XIST: variants seen among roughly 807,000 people sequenced by gnomAD.
XIST encodes X inactive specific transcript (non-protein coding).
chrX:73,832,101 G>A (rs200860417), intron 3 of XIST, among the ~76,000 whole-genome samples: 6 of 111,904 alleles, frequency 5.4e-5, no homozygotes, highest in South Asian at 3.7e-4. Flanking sequence ...TTGGGAGGTC[G>A]AGGCGGGTGA....
chrX:73,847,153 T>TA (rs777572427), exon 1 of XIST: 1 of 559,057 alleles, frequency 1.8e-6, no homozygotes, highest in Admixed American at 2.2e-5. Flanking sequence ...CCTTACATGG[T>TA]AAAAAAGTAC....
At chrX:73,825,924 G>A (rs1922241001) in exon 6 of XIST, 1 of 559,261 alleles carries the variant, frequency 1.8e-6, no homozygotes, top group Non-Finnish European at 3.2e-6. Flanking sequence ...AACAGTCCCA[G>A]GTTCTCTCAT....
chrX:73,843,168 A>G, exon 1 of XIST: 1 of 558,145 alleles, frequency 1.8e-6, no homozygotes, highest in African/African-American at 2.2e-5. Flanking sequence ...GTCCCAGGAG[A>G]AGTTTTGAGT....
chrX:73,830,939 G>A, intron 4 of XIST: 2 of 448,799 alleles, frequency 4.5e-6, no homozygotes, highest in Admixed American at 3.2e-5. Flanking sequence ...TTAGGAAGCT[G>A]TTTTTACCAA....
chrX:73,845,017 A>C (rs757336801), exon 1 of XIST: 4 of 553,227 alleles, frequency 7.2e-6, no homozygotes, highest in East Asian at 3.3e-5. Context: ...GGCCAGGAAG[A>C]GGGGCCTTGG....
exon 1 of XIST, chrX:73,844,801 G>A: frequency 3.6e-6 from 2 of 557,267 alleles, no homozygotes; most frequent in Non-Finnish European, 6.5e-6. Context: ...GATGAGATAG[G>A]CCGTGTGCAG....
At chrX:73,829,189 T>C (rs1922327770) in exon 5 of XIST, 1 of 556,596 alleles carries the variant, frequency 1.8e-6, no homozygotes, top group Admixed American at 2.2e-5. Context: ...TCTGCACTGC[T>C]TGTAGGAAGT....
exon 1 of XIST, chrX:73,848,869 G>A (rs375485951): frequency 1.8e-5 from 10 of 555,975 alleles, no homozygotes; most frequent in Non-Finnish European, 2.9e-5. Flanking sequence ...CAAGGTGGTA[G>A]GTAGTTCACA....
At chrX:73,841,613 A>G (rs1922589151) in exon 1 of XIST, 1 of 557,006 alleles carries the variant, frequency 1.8e-6, no homozygotes, top group African/African-American at 2.2e-5. Flanking sequence ...GATATTATTC[A>G]TTTCCACTAG....
exon 1 of XIST, chrX:73,847,378 G>C (rs748353927): frequency 1.9e-6 from 1 of 513,723 alleles, no homozygotes; most frequent in South Asian, 2.5e-5. Flanking sequence ...GTGTGAGGGG[G>C]ATGGGATTCC....
exon 6 of XIST, chrX:73,823,953 C>A: frequency 1.8e-6 from 1 of 554,518 alleles, no homozygotes; most frequent in South Asian, 2.3e-5. Flanking sequence ...GCCAATAGTT[C>A]ATTCCTATCT....
At chrX:73,820,961 G>T (rs1440232100) in exon 6 of XIST, 1 of 558,789 alleles carries the variant, frequency 1.8e-6, no homozygotes, top group Non-Finnish European at 3.2e-6. Context: ...TCATTTATGT[G>T]AATAAAGCAG....
exon 6 of XIST, chrX:73,826,821 A>C (rs1163122692): frequency 2.3e-5 from 13 of 556,097 alleles, no homozygotes; most frequent in Non-Finnish European, 3.9e-5. Context: ...TTCCAGCTAC[A>C]ACCCTGGGCT....
In XIST at chrX:73,852,572, A is replaced by T. The variant is rs762903696; in HGVS notation, n.152T>A. On this transcript the variant is annotated non_coding_transcript_exon_variant, in exon 1 of 6. Transcript: ENST00000429829. ...TAGGAGAAAGTATAGAATTTAAAAAAATATTTTATGGAATTTAGGTGATTT... is the reference window on the plus strand; with the variant it reads ...TAGGAGAAAGTATAGAATTTAAAAATATATTTTATGGAATTTAGGTGATTT... 8.1e-6 allele frequency: 4 copies of T among 496,605 alleles called. No homozygotes were observed. In the Admixed American group the frequency reaches 9.4e-5, roughly 12 times the overall value. 40.9% of individuals were successfully genotyped at this position (496,605 alleles called of 1,213,427 possible). A position where few individuals can be genotyped will look rare whatever the true frequency, so the allele number is the denominator to read the frequency against.
chrX:73,834,511 G>C (rs1206800220), intron 2 of XIST, among the ~76,000 whole-genome samples: 1 of 112,414 alleles, frequency 8.9e-6, no homozygotes, highest in Non-Finnish European at 1.9e-5. Flanking sequence ...TTTTGGAACT[G>C]ATACAGAACC....
chrX:73,826,588 T>C, exon 6 of XIST: 1 of 559,160 alleles, frequency 1.8e-6, no homozygotes, highest in Non-Finnish European at 3.2e-6. Context: ...ACAGGAGAAC[T>C]GGAAATATCT....
At chrX:73,850,352 C>G (rs1246044619) in exon 1 of XIST, 3 of 537,131 alleles carry the variant, frequency 5.6e-6, no homozygotes, top group African/African-American at 2.3e-5. Flanking sequence ...AACAAAAACT[C>G]ATTAAATGTA....
chrX:73,832,203 G>A (rs761180253), intron 3 of XIST, among the ~76,000 whole-genome samples: 21 of 111,128 alleles, frequency 1.9e-4, no homozygotes, highest in African/African-American at 5.9e-4. Flanking sequence ...GCGTGGTCGC[G>A]CATGCCTGTA....
exon 1 of XIST, chrX:73,852,392 GAA>G: frequency 1.8e-6 from 1 of 547,510 alleles, no homozygotes; most frequent in African/African-American, 2.2e-5. Context: ...GCAAAATATA[GAA>G]AAGAGAGTGG....
Sources: gnomAD v4.1 joint callset for allele counts (sites outside exome capture counted in the v4.1 genomes callset) on GRCh38, gnomAD v4.1.1 for gene constraint, MANE v1.5 for transcripts, NCBI Gene and HGNC (gene_info 2026-07-23, HGNC 2026-07-21) for gene names.